Variants in SOS1 observed in about 807,000 individuals in gnomAD.
SOS1 encodes SOS Ras/Rac guanine nucleotide exchange factor 1.
Under a neutral mutation model 157.6 loss-of-function variants are expected in SOS1, and 25 were observed. The observed-to-expected ratio is 0.16, with a 90% CI of 0.12 to 0.22. The LOEUF is 0.22. Ranked by LOEUF, SOS1 falls within the 10% of genes least tolerant of loss-of-function variation. The probability of loss-of-function intolerance (pLI) is 1.00; values close to 1 mark genes in which losing one functional copy is unlikely to be tolerated. For synonymous variants in SOS1, 528 were observed against 534.0 expected (o/e 0.99, Z 0.16); for missense variants, 1,237 against 1,599.1 (o/e 0.77, Z 3.86).
At chr2:39,032,733 G>A (rs574520210) in intron 8 of SOS1, among the ~76,000 whole-genome samples, 5 of 152,160 alleles carry the variant, frequency 3.3e-5, no homozygotes, top group Non-Finnish European at 7.4e-5. Context: ...AGGCTGAGGT[G>A]GGCGGATCAC....
At position 39,032,135 on chromosome 2, in the gene SOS1, C is replaced by T. The variant is rs569838126; in HGVS notation, c.1074+3077G>A. ...ATGTGCATTAACACATACTTTTTTTCGTGGTGAGAACACAATATCTACTTT... is the reference window on the plus strand; with the variant it reads ...ATGTGCATTAACACATACTTTTTTTTGTGGTGAGAACACAATATCTACTTT... On this transcript the variant is annotated intron_variant, in intron 8 of 22. Coordinates refer to ENST00000402219, the MANE Select transcript of SOS1 (RefSeq NM_005633.4). Among the ~76,000 whole-genome samples the T allele has an allele frequency of 6.6e-5, 10 of 152,066 alleles. No homozygotes were observed. The South Asian group carries it at 2.1e-3, about 32-fold the overall frequency.
chr2:39,072,897 C>G (rs1487519202), intron 1 of SOS1, among the ~76,000 whole-genome samples: 1 of 152,108 alleles, frequency 6.6e-6, no homozygotes, highest in Non-Finnish European at 1.5e-5. Flanking sequence ...AAAACTCTAA[C>G]TGAAAAACAA....
At chr2:39,114,188 C>G (rs1302696092) in intron 1 of SOS1, among the ~76,000 whole-genome samples, 4 of 152,138 alleles carry the variant, frequency 2.6e-5, no homozygotes, top group Non-Finnish European at 5.9e-5. Context: ...CTCAACATCC[C>G]AGGCTCAGGC....
chr2:38,998,286 G>A (rs1399823900), intron 17 of SOS1, among the ~76,000 whole-genome samples: 1 of 151,514 alleles, frequency 6.6e-6, no homozygotes, highest in Non-Finnish European at 1.5e-5. Context: ...GTCTCACTCT[G>A]TCTCCCAGGC....
At chr2:39,032,336 A>G (rs1479126201) in intron 8 of SOS1, among the ~76,000 whole-genome samples, 7 of 152,186 alleles carry the variant, frequency 4.6e-5, no homozygotes, top group Non-Finnish European at 8.8e-5. Flanking sequence ...TTTGTGTTCA[A>G]CAGTCTTATA....
chr2:38,983,160 T>C lies in SOS1; in HGVS notation c.*2664A>G, dbSNP rs942557339. The C allele has an allele frequency of 1.3e-5, 2 of 152,214 alleles. No individual in the cohort carries two copies. The highest frequency in any genetic ancestry group is 6.5e-5 in the Admixed American group (1 of 15,270). 9.4% of individuals were successfully genotyped at this position (152,214 alleles called of 1,614,324 possible). ...GGTTAACAAAAAGTCATGCTGCATT[T>C]ACCCCCTTGTAATGTCCAGGATTCA... On this transcript the variant is annotated 3_prime_UTR_variant, in exon 23 of 23. Transcript: ENST00000402219.
rs143681446 is a variant in SOS1 at position 39,069,375 on chromosome 2, G to A, written c.88-1622C>T. Among the ~76,000 whole-genome samples the A allele has an allele frequency of 3.5e-4, 53 of 151,802 alleles. 1 individual carries two copies. The East Asian group carries it at 7.0e-3, about 20-fold the overall frequency. ...AGCCTGGCCAACAGAGGGAGACCCT[G>A]TCTCAAAACAACAATAAAAGATAGT... On this transcript the variant is annotated intron_variant, in intron 1 of 22. Transcript: ENST00000402219.
chr2:39,035,906 C>T (rs920165526), intron 6 of SOS1, among the ~76,000 whole-genome samples: 2 of 152,098 alleles, frequency 1.3e-5, no homozygotes, highest in African/African-American at 4.8e-5. Flanking sequence ...TTATAGTTCT[C>T]AGTGGTGGAC....
At position 39,010,657 on chromosome 2, in the gene SOS1, C is replaced by T; in HGVS notation, c.2437G>A (p.Asp813Asn). The change falls in exon 15 of 23, where the codon GAC (aspartate) becomes AAC (asparagine). Residue 813 changes from aspartate to asparagine, a missense_variant. Asp to Asn is a conservative substitution (Grantham distance 23, BLOSUM62 1). Transcript: ENST00000402219. ...ELVGSVWTKE[D>N]KEINSPNLLK... Reference sequence around the variant, plus strand: ...AGATTAGGAGAGTTAATTTCTTTGTCTTCTTTTGTCCACACACTTCCAACT... The same window carrying T: ...AGATTAGGAGAGTTAATTTCTTTGTTTTCTTTTGTCCACACACTTCCAACT... 6.2e-7 allele frequency: 1 copy of T among 1,608,132 alleles called. No individual in the cohort carries two copies. Among genetic ancestry groups the T allele is most frequent in the Admixed American group, 1.7e-5 (1 of 60,006 alleles).
chr2:39,045,290 G>C (rs1376638469), intron 6 of SOS1, among the ~76,000 whole-genome samples: 1 of 151,644 alleles, frequency 6.6e-6, no homozygotes, highest in African/African-American at 2.4e-5. Context: ...GTGTGTGTGT[G>C]TGTGTGTGTG....
At chr2:39,015,218 C>T (rs1669592989) in intron 10 of SOS1, among the ~76,000 whole-genome samples, 2 of 151,610 alleles carry the variant, frequency 1.3e-5, no homozygotes, top group South Asian at 4.2e-4. Flanking sequence ...AGAAAGGCCA[C>T]AGCAATAACC....
chr2:39,064,991 T>C (rs1394007779), intron 2 of SOS1, among the ~76,000 whole-genome samples: 5 of 151,660 alleles, frequency 3.3e-5, no homozygotes, highest in Admixed American at 3.3e-4. Context: ...CTCCCAACCT[T>C]AGGTTATCCG....
intron 1 of SOS1, among the ~76,000 whole-genome samples, chr2:39,105,627 C>T (rs1269090730): frequency 6.6e-6 from 1 of 152,148 alleles, no homozygotes; most frequent in Non-Finnish European, 1.5e-5. Flanking sequence ...GCCAGGCCTG[C>T]TGGCTCACAA....
rs74397717 is a variant in SOS1 at position 39,075,541 on chromosome 2, C to T, written c.88-7788G>A. 4.8e-3 allele frequency among the ~76,000 whole-genome samples: 722 copies of T among 151,356 alleles called. 6 individuals are homozygous for T. Among genetic ancestry groups the T allele is most frequent in the Non-Finnish European group, 7.7e-3 (526 of 67,912 alleles). ...CTTGAAAGTCACGTGTGGTGGTTGA[C>T]GCCTATAATCCCATCTACTTGGGAG... On this transcript the variant is annotated intron_variant, in intron 1 of 22. Coordinates refer to ENST00000402219, the MANE Select transcript of SOS1 (RefSeq NM_005633.4).
At chr2:39,035,538 C>A in intron 6 of SOS1, 38 bp from the exon 7 acceptor site, 1 of 1,390,650 alleles carries the variant, frequency 7.2e-7, no homozygotes, top group South Asian at 1.2e-5. Context: ...AATAATTTAC[C>A]ATTACAAACA....
intron 1 of SOS1, among the ~76,000 whole-genome samples, chr2:39,119,700 G>A (rs917054021): frequency 6.6e-6 from 1 of 151,306 alleles, no homozygotes; most frequent in South Asian, 2.1e-4. Flanking sequence ...ACATACAAAG[G>A]CTAAAAATTC....
chr2:39,007,761 T>C (rs1336972261), intron 15 of SOS1, among the ~76,000 whole-genome samples: 1 of 152,170 alleles, frequency 6.6e-6, no homozygotes, highest in Non-Finnish European at 1.5e-5. Flanking sequence ...ACTTGTGGTA[T>C]GATAGTATGA....
chr2:39,077,605 C>A (rs1224584052), intron 1 of SOS1, among the ~76,000 whole-genome samples: 1 of 152,070 alleles, frequency 6.6e-6, no homozygotes, highest in Non-Finnish European at 1.5e-5. Flanking sequence ...GATTACGCTA[C>A]AGTGATTAAG....
chr2:39,001,329 C>T (rs746669799), intron 17 of SOS1, among the ~76,000 whole-genome samples: 2 of 152,204 alleles, frequency 1.3e-5, no homozygotes, highest in Non-Finnish European at 2.9e-5. Flanking sequence ...TCTCAAAGTG[C>T]TGGGATTACA....
Sources: allele counts gnomAD v4.1 joint callset (sites outside exome capture counted in the v4.1 genomes callset), GRCh38; gene constraint gnomAD v4.1.1; transcripts MANE v1.5; gene names NCBI Gene and HGNC (gene_info 2026-07-23, HGNC 2026-07-21).